Variants in ZNF33B observed in about 807,000 individuals in gnomAD.
ZNF33B encodes the protein zinc finger protein 33B.
A neutral mutation model predicts 45.8 loss-of-function variants in ZNF33B; 29 were observed. The observed-to-expected ratio is 0.63, with a 90% CI of 0.47 to 0.86. The LOEUF (loss-of-function observed/expected upper bound fraction) is 0.86, where lower values mean the gene tolerates loss of function less well. ZNF33B is among the 40% of genes least tolerant of loss of function. The probability of loss-of-function intolerance (pLI) is 0.00; values close to 1 mark genes in which losing one functional copy is unlikely to be tolerated. For missense variants in ZNF33B, 831 were observed against 909.9 expected (o/e 0.91, Z 1.12); for synonymous variants, 305 against 307.8 (o/e 0.99, Z 0.10).
chr10:42,622,737 G>A (rs1458341162), intron 4 of ZNF33B, among the ~76,000 whole-genome samples: 1 of 152,164 alleles, frequency 6.6e-6, no homozygotes, highest in Non-Finnish European at 1.5e-5. Context: ...TAGAGTTTCT[G>A]TTTGAAATGA....
rs375104248 is a variant in ZNF33B at position 42,589,177 on chromosome 10, A to G, written c.*3436T>C. 8 of 174,292 alleles carry G rather than the reference A, an allele frequency of 4.6e-5. No homozygotes were observed. Among genetic ancestry groups the G allele is most frequent in the African/African-American group, 1.7e-4 (7 of 41,838 alleles). The allele number at this position is 174,292 out of a possible 1,614,324, so 10.8% of individuals were successfully genotyped here. ...TTTTAGAGCAGCTTTAGGGTTACAG[A>G]AAAATTGAGCAAAAAGTACAGAGAA... is the stretch of plus-strand genomic sequence containing the variant. On this transcript the variant is annotated 3_prime_UTR_variant, in exon 5 of 5. Transcript: ENST00000359467.
At chr10:42,588,653 A>C (rs1836985776), downstream of ZNF33B, among the ~76,000 whole-genome samples, 1 of 152,208 alleles carries the variant, frequency 6.6e-6, no homozygotes, top group South Asian at 2.1e-4. Context: ...AGAGCCACAA[A>C]GGGTTCCACT....
At position 42,594,196 on chromosome 10, in the gene ZNF33B, A is replaced by G; in HGVS notation, c.754T>C (p.Phe252Leu). 3 of 1,613,694 alleles carry G rather than the reference A, an allele frequency of 1.9e-6. No homozygotes were observed. The highest frequency in any genetic ancestry group is 2.5e-6 in the Non-Finnish European group (3 of 1,179,912). The change falls in exon 5 of 5, where the codon TTT becomes CTT. Residue 252 changes from phenylalanine to leucine, a missense_variant. Phe to Leu is a conservative substitution (Grantham distance 22, BLOSUM62 0). Transcript: ENST00000359467. ...AEENNCDYNE[F>L]GRTFCDSSSL... ...GAACTATCACAGAAAGTTCTCCCAAATTCATTATAGTCACAGTTATTCTCT... is the reference window on the plus strand; with the variant it reads ...GAACTATCACAGAAAGTTCTCCCAAGTTCATTATAGTCACAGTTATTCTCT...
chr10:42,575,015 C>T (rs1171086517), intron 1 of ZNF33B, among the ~76,000 whole-genome samples: 2 of 152,210 alleles, frequency 1.3e-5, no homozygotes, highest in African/African-American at 4.8e-5. Flanking sequence ...AAGGGTATTA[C>T]ATGTCTCCCA....
At chr10:42,612,043 C>G (rs1243556212) in intron 4 of ZNF33B, among the ~76,000 whole-genome samples, 1 of 151,826 alleles carries the variant, frequency 6.6e-6, no homozygotes, top group Non-Finnish European at 1.5e-5. Flanking sequence ...TATCCAGTGT[C>G]TCACCACTAA....
chr10:42,593,968 G>A lies in ZNF33B; in HGVS notation c.982C>T (p.His328Tyr). ...QLQKGDKGEK[H>Y]FECNECGKAF... ...TTCCCACATTCATTACATTCAAAGT[G>A]TTTCTCTCCTTTATCACCTTTCTGA... is the stretch of plus-strand genomic sequence containing the variant. Residue 328 changes from histidine to tyrosine, a missense_variant, in exon 5 of 5, where the codon CAC becomes TAC. By Grantham distance (83) the His-to-Tyr change is moderately conservative. Coordinates refer to ENST00000359467, the MANE Select transcript of ZNF33B (RefSeq NM_006955.3). 2 of 1,614,072 alleles carry A rather than the reference G, an allele frequency of 1.2e-6. No homozygotes were observed. The highest frequency in any genetic ancestry group is 1.7e-6 in the Non-Finnish European group (2 of 1,179,972).
At chr10:42,617,758 G>C (rs1042384209) in intron 4 of ZNF33B, among the ~76,000 whole-genome samples, 1 of 152,100 alleles carries the variant, frequency 6.6e-6, no homozygotes, top group Non-Finnish European at 1.5e-5. Flanking sequence ...CCATCTCTAT[G>C]CTGTCATTTC....
intron 4 of ZNF33B, among the ~76,000 whole-genome samples, chr10:42,619,562 A>G (rs1838481953): frequency 6.6e-6 from 1 of 152,226 alleles, no homozygotes; most frequent in South Asian, 2.1e-4. Flanking sequence ...GACTTCCAAT[A>G]AAGTTAACTA....
intron 1 of ZNF33B, among the ~76,000 whole-genome samples, chr10:42,637,913 A>G (rs1487805744): frequency 6.6e-6 from 1 of 152,190 alleles, no homozygotes; most frequent in Non-Finnish European, 1.5e-5. Context: ...TCGGCCTCCC[A>G]AAGTGCAGGA....
chr10:42,601,931 G>T lies in ZNF33B; in HGVS notation c.251-7232C>A, dbSNP rs1238729322. ...TTCTTTTTTTTTTTTTTTTTTTTTT[G>T]GGGGGAGACAGGGTCTCACTCCATC... On this transcript the variant is annotated intron_variant, in intron 4 of 4. Coordinates refer to ENST00000359467, the MANE Select transcript of ZNF33B (RefSeq NM_006955.3). Among the ~76,000 whole-genome samples, 495 of 64,268 alleles carry T rather than the reference G, an allele frequency of 7.7e-3. 2 individuals are homozygous for T. Among genetic ancestry groups the T allele is most frequent in the African/African-American group, 0.034 (458 of 13,318 alleles). 42.2% of individuals were successfully genotyped at this position (64,268 alleles called of 152,430 possible).
chr10:42,600,424 G>C (rs188442868), intron 4 of ZNF33B, among the ~76,000 whole-genome samples: 2 of 151,926 alleles, frequency 1.3e-5, no homozygotes, highest in Admixed American at 1.3e-4. Flanking sequence ...CTATCAATAT[G>C]AAAAAAAATC....
At chr10:42,584,144 T>C (rs1411604968), downstream of ZNF33B, among the ~76,000 whole-genome samples, 4 of 152,344 alleles carry the variant, frequency 2.6e-5, no homozygotes, top group Admixed American at 6.5e-5. Context: ...CCACCTGAGT[T>C]GTGCCAGGAG....
At chr10:42,578,770 T>C (rs17157476) in intron 1 of ZNF33B, 3,529 of 152,384 alleles carry the variant, frequency 0.023, 99 homozygotes, top group Admixed American at 0.095. Flanking sequence ...CAATGCCATG[T>C]GAATGAAGCA....
At chr10:42,599,539 A>G (rs997344211) in intron 4 of ZNF33B, among the ~76,000 whole-genome samples, 4 of 151,422 alleles carry the variant, frequency 2.6e-5, no homozygotes, top group African/African-American at 7.3e-5. Flanking sequence ...TACACATTAT[A>G]TATTTAATAT....
At chr10:42,586,846 A>G (rs1466490889), downstream of ZNF33B, among the ~76,000 whole-genome samples, 1 of 152,216 alleles carries the variant, frequency 6.6e-6, no homozygotes, top group Non-Finnish European at 1.5e-5. Flanking sequence ...ACCATGTACT[A>G]TAACAAACCA....
exon 2 of ZNF33B, chr10:42,574,440 C>T (rs373423646): frequency 4.9e-4 from 74 of 152,280 alleles, no homozygotes; most frequent in African/African-American, 1.7e-3. Context: ...GCACTCTCCT[C>T]GGATGTGTTG....
At chr10:42,611,023 A>G (rs1425456445) in intron 4 of ZNF33B, among the ~76,000 whole-genome samples, 1 of 152,222 alleles carries the variant, frequency 6.6e-6, no homozygotes, top group African/African-American at 2.4e-5. Context: ...ATTTTCAACA[A>G]TGATGCCAAG....
chr10:42,593,301 TC>T lies in ZNF33B; in HGVS notation c.1648del (p.Glu550ArgfsTer47). The T allele has an allele frequency of 6.2e-7, 1 of 1,614,056 alleles. No individual in the cohort carries two copies. Among genetic ancestry groups the T allele is most frequent in the Non-Finnish European group, 8.5e-7 (1 of 1,179,970 alleles). On this transcript the variant is annotated frameshift_variant, in exon 5 of 5. Transcript: ENST00000359467. LOFTEE classifies it high-confidence loss of function. ...LTIHQRTHTG[E>X]KPFACPECGK... The stretch of plus-strand genomic sequence containing the variant: ...ACATTCAGGACATGCAAAGGGTTTC[TC>T]CCCTGTGTGCGTTCTCTGATGTATT...
At chr10:42,616,283 A>G (rs552318058) in intron 4 of ZNF33B, among the ~76,000 whole-genome samples, 1 of 152,318 alleles carries the variant, frequency 6.6e-6, no homozygotes, top group Admixed American at 6.5e-5. Context: ...CTGCAAATAC[A>G]CTAACAGTGA....
Sources: gnomAD v4.1 joint callset for allele counts (sites outside exome capture counted in the v4.1 genomes callset) on GRCh38, gnomAD v4.1.1 for gene constraint, MANE v1.5 for transcripts, NCBI Gene and HGNC (gene_info 2026-07-23, HGNC 2026-07-21) for gene names.